Variants in PTK2 observed in about 807,000 individuals in gnomAD.
The protein encoded by PTK2 is focal adhesion kinase 1.
A neutral mutation model predicts 150.1 loss-of-function variants in PTK2; 45 were observed. That is an observed-to-expected ratio of 0.30 (90% CI 0.24 to 0.38). The LOEUF is 0.38. Ranked by LOEUF, PTK2 falls within the 10% of genes least tolerant of loss-of-function variation. The pLI, the probability that PTK2 is intolerant of heterozygous loss-of-function variation, is 1.00. For missense variants in PTK2, 919 were observed against 1,307.3 expected (o/e 0.70, Z 4.58); for synonymous variants, 432 against 449.2 (o/e 0.96, Z 0.48).
chr8:140,832,959 T>C (rs1403646592), intron 7 of PTK2: 3 of 519,004 alleles, frequency 5.8e-6, no homozygotes. Flanking sequence ...TGTGTGGCTG[T>C]CAACTGCTAT....
intron 1 of PTK2, among the ~76,000 whole-genome samples, chr8:140,947,160 C>T (rs2100177965): frequency 6.6e-6 from 1 of 152,198 alleles, no homozygotes; most frequent in Non-Finnish European, 1.5e-5. Flanking sequence ...CTGCTTGGCT[C>T]TGTCCTCACT....
intron 8 of PTK2, among the ~76,000 whole-genome samples, chr8:140,823,305 C>A (rs892957503): frequency 1.3e-5 from 2 of 152,164 alleles, no homozygotes; most frequent in Non-Finnish European, 2.9e-5. Flanking sequence ...AAAGTCAATT[C>A]TCTACTTTGT....
At chr8:140,719,532 C>T (rs542601894) in intron 22 of PTK2, among the ~76,000 whole-genome samples, 327 of 152,196 alleles carry the variant, frequency 2.1e-3, no homozygotes, top group Middle Eastern at 0.014. Context: ...CGCTCCCCTC[C>T]GCTGCTGGGA....
At chr8:140,696,006 C>A (rs2153989009) in intron 26 of PTK2, among the ~76,000 whole-genome samples, 2 of 152,186 alleles carry the variant, frequency 1.3e-5, no homozygotes, top group South Asian at 4.2e-4. Context: ...AGATGAAAAA[C>A]AGTGACACCA....
chr8:140,909,966 T>C lies in PTK2; in HGVS notation c.-33+15695A>G, dbSNP rs2100162461. Among the ~76,000 whole-genome samples the C allele has an allele frequency of 2.6e-5, 4 of 152,180 alleles. No individual in the cohort carries two copies. The South Asian group carries it at 8.3e-4, about 32-fold the overall frequency. On this transcript the variant is annotated intron_variant, in intron 2 of 31. Coordinates refer to ENST00000522684, the Ensembl canonical transcript of PTK2. Reference sequence around the variant, plus strand: ...TAACCAAATTAGACACAAATCTTCCTTTAAAAATTTCTCCTAAAGCTTGTC... The same window carrying C: ...TAACCAAATTAGACACAAATCTTCCCTTAAAAATTTCTCCTAAAGCTTGTC...
chr8:140,803,421 T>C (rs555643279), intron 11 of PTK2, 122 bp downstream of exon 11: 5 of 749,524 alleles, frequency 6.7e-6, no homozygotes, highest in Admixed American at 2.2e-5. Flanking sequence ...CCTTTCTATA[T>C]ATAAGAAAGT....
chr8:140,964,436 C>G (rs1279553265), intron 1 of PTK2, among the ~76,000 whole-genome samples: 1 of 151,620 alleles, frequency 6.6e-6, no homozygotes, highest in Non-Finnish European at 1.5e-5. Flanking sequence ...TGGATTGTGG[C>G]AATGCGATCA....
intron 14 of PTK2, among the ~76,000 whole-genome samples, chr8:140,786,708 A>G (rs1169121906): frequency 6.6e-6 from 1 of 152,134 alleles, no homozygotes; most frequent in African/African-American, 2.4e-5. Flanking sequence ...CAGTAGGGGA[A>G]TGACTAAGGA....
At chr8:140,807,197 T>C (rs939835432) in intron 10 of PTK2, among the ~76,000 whole-genome samples, 1 of 152,214 alleles carries the variant, frequency 6.6e-6, no homozygotes, top group Non-Finnish European at 1.5e-5. Context: ...AAACAAACAT[T>C]ACACAAGTAA....
At chr8:140,827,581 C>T (rs1471379573) in intron 8 of PTK2, among the ~76,000 whole-genome samples, 1 of 152,086 alleles carries the variant, frequency 6.6e-6, no homozygotes, top group African/African-American at 2.4e-5. Flanking sequence ...AAGGCATAAC[C>T]AAGGAAAGAA....
intron 2 of PTK2, among the ~76,000 whole-genome samples, chr8:140,899,598 T>C (rs958342546): frequency 6.6e-6 from 1 of 152,224 alleles, no homozygotes; most frequent in African/African-American, 2.4e-5. Flanking sequence ...AAAATCATTT[T>C]ACAAGGGCAG....
At chr8:140,709,350 A>G (rs2100035512) in intron 23 of PTK2, among the ~76,000 whole-genome samples, 1 of 152,260 alleles carries the variant, frequency 6.6e-6, no homozygotes, top group Non-Finnish European at 1.5e-5. Context: ...TAAAAGGTAA[A>G]AAGTTGAAAA....
chr8:140,803,603 T>G lies in PTK2; in HGVS notation c.915A>C (p.Ser305=), dbSNP rs199983802. The change falls in exon 11 of 32, where the codon TCA becomes TCC. Residue 305 remains serine, a synonymous_variant. Coordinates refer to ENST00000522684, the Ensembl canonical transcript of PTK2. Reference sequence around the variant, plus strand: ...CTTTTCTGTCCTTGTCTTCACTGTTTGAATACTGAATGGTTTGCACTTGAG... The same window carrying G: ...CTTTTCTGTCCTTGTCTTCACTGTTGGAATACTGAATGGTTTGCACTTGAG... 87 of 1,614,160 alleles carry G rather than the reference T, an allele frequency of 5.4e-5. No homozygotes were observed. In the Admixed American group the frequency reaches 1.4e-3, roughly 27 times the overall value.
At chr8:140,949,294 G>A (rs1383770745) in intron 1 of PTK2, among the ~76,000 whole-genome samples, 1 of 152,160 alleles carries the variant, frequency 6.6e-6, no homozygotes, top group African/African-American at 2.4e-5. Flanking sequence ...GATAGCAGTG[G>A]AAGCCAGTCT....
At chr8:140,848,270 T>C (rs990289232) in intron 5 of PTK2, among the ~76,000 whole-genome samples, 2 of 152,214 alleles carry the variant, frequency 1.3e-5, no homozygotes, top group Admixed American at 6.5e-5. Context: ...TATAACCTAA[T>C]ATGCACTAAA....
At chr8:140,671,847 G>C (rs2095520772) in intron 29 of PTK2, among the ~76,000 whole-genome samples, 1 of 149,156 alleles carries the variant, frequency 6.7e-6, no homozygotes. Context: ...CAGGAGAATG[G>C]CGTGAACCCG....
intron 2 of PTK2, among the ~76,000 whole-genome samples, chr8:140,916,996 A>G (rs1207855441): frequency 1.3e-5 from 2 of 152,246 alleles, no homozygotes; most frequent in Non-Finnish European, 1.5e-5. Flanking sequence ...TAATGCACAG[A>G]ACACAGCATG....
At chr8:140,850,526 C>T (rs1389461961) in intron 5 of PTK2, among the ~76,000 whole-genome samples, 2 of 149,156 alleles carry the variant, frequency 1.3e-5, no homozygotes, top group Non-Finnish European at 3.0e-5. Context: ...GATATCGAGA[C>T]CACCCTGGCT....
chr8:140,684,944 T>A (rs913154603), intron 27 of PTK2, among the ~76,000 whole-genome samples: 3 of 152,208 alleles, frequency 2.0e-5, no homozygotes, highest in Admixed American at 6.5e-5. Flanking sequence ...AAAGCAATCC[T>A]AAGCAAAAAG....
Sources: allele counts gnomAD v4.1 joint callset (sites outside exome capture counted in the v4.1 genomes callset), GRCh38; gene constraint gnomAD v4.1.1; transcripts MANE v1.5; gene names NCBI Gene and HGNC (gene_info 2026-07-23, HGNC 2026-07-21).